ZMIZ2: variants seen among roughly 807,000 people sequenced by gnomAD.
ZMIZ2 encodes the protein zinc finger MIZ domain-containing protein 2.
A neutral mutation model predicts 93.9 loss-of-function variants in ZMIZ2; 26 were observed. That is an observed-to-expected ratio of 0.28 (90% CI 0.20 to 0.38). The LOEUF is 0.38. Among genes scored for constraint, ZMIZ2 ranks in the 10% least tolerant of loss-of-function variants. The pLI is 1.00. For missense variants in ZMIZ2, 1,023 were observed against 1,235.0 expected, an observed-to-expected ratio of 0.83 and a Z score of 2.57; for synonymous variants, 485 against 516.4, an observed-to-expected ratio of 0.94 and a Z score of 0.82.
chr7:44,750,495 C>G (rs1481117286), intron 1 of ZMIZ2, among the ~76,000 whole-genome samples: 1 of 152,144 alleles, frequency 6.6e-6, no homozygotes, highest in Non-Finnish European at 1.5e-5. Context: ...GGATCCTGAC[C>G]CTGCAATCTT....
chr7:44,759,906 G>C (rs1790995990), intron 7 of ZMIZ2: 2 of 560,716 alleles, frequency 3.6e-6, no homozygotes, highest in Non-Finnish European at 6.3e-6. Context: ...GGTGCGCCGG[G>C]TGGTGCAGCT....
chr7:44,751,769 A>G (rs1263516048), intron 1 of ZMIZ2, among the ~76,000 whole-genome samples: 4 of 152,222 alleles, frequency 2.6e-5, no homozygotes, highest in African/African-American at 9.6e-5. Context: ...CAGCCTGGCC[A>G]ACATGGCGAA....
chr7:44,761,563 G>C lies in ZMIZ2; in HGVS notation c.1355G>C (p.Arg452Pro). Reference protein sequence around the residue: ...LAVSNHVFQLRDSVYKTLIMR... With the variant: ...LAVSNHVFQLPDSVYKTLIMR... ...GTAAGCAACCATGTCTTCCAGCTGCGAGACTCAGTCTACAAGACCCTGATA... is the reference window on the plus strand; with the variant it reads ...GTAAGCAACCATGTCTTCCAGCTGCCAGACTCAGTCTACAAGACCCTGATA... Residue 452 changes from arginine (R) to proline (P), a missense_variant, in exon 10 of 19, where the codon CGA (arginine) becomes CCA (proline). Around this residue, in one of 3 missense-constraint regions of ZMIZ2, gnomAD observed 656 missense variants for 777.1 expected, o/e 0.84. Transcript: ENST00000309315. The surrounding 1 kb of genome is among the most constrained non-coding windows in gnomAD (Gnocchi z 5.8). The C allele has an allele frequency of 1.2e-6, 2 of 1,614,068 alleles. No homozygotes were observed. The highest frequency in any genetic ancestry group is 1.7e-6 in the Non-Finnish European group (2 of 1,180,022).
chr7:44,762,398 G>C (rs561269808), intron 11 of ZMIZ2, among the ~76,000 whole-genome samples: 14 of 152,342 alleles, frequency 9.2e-5, no homozygotes, highest in African/African-American at 3.4e-4. Context: ...GCAAGCATCA[G>C]GGTCACCCTT....
rs1171267703 is a variant in ZMIZ2, at chr7:44,761,858, C to G, written c.1549C>G (p.Gln517Glu). 9 of 1,613,904 alleles carry G rather than the reference C, an allele frequency of 5.6e-6. No homozygotes were observed. Among genetic ancestry groups the G allele is most frequent in the Non-Finnish European group, 7.6e-6 (9 of 1,180,048 alleles). ...HKPLYLKHVC[Q>E]PGRNTIQITV... is the part of the protein sequence containing the mutation. ...GCCACTCTACCTGAAGCATGTGTGC[C>G]AGCCAGGCCGCAACACCATCCAGAT... The change falls in exon 11 of 19, where the codon CAG becomes GAG. Residue 517 changes from glutamine to glutamate, a missense_variant. Gln to Glu is a conservative substitution (Grantham distance 29, BLOSUM62 2). Transcript: ENST00000309315. The surrounding 1 kb of genome is among the most constrained non-coding windows in gnomAD (Gnocchi z 5.8).
At position 44,765,620 on chromosome 7, in the gene ZMIZ2, G is replaced by A. The variant is rs530330386; in HGVS notation, c.2242+41G>A. 1.3e-4 allele frequency: 200 copies of A among 1,573,904 alleles called. No homozygotes were observed. The highest frequency in any genetic ancestry group is 2.2e-4 in the Admixed American group (13 of 58,892). On this transcript the variant is annotated intron_variant, in intron 16 of 18. Coordinates refer to ENST00000309315, the MANE Select transcript of ZMIZ2 (RefSeq NM_031449.4). The surrounding 1 kb of genome is among the most constrained non-coding windows in gnomAD (Gnocchi z 4.1). ...TAGCCTTGAACCTCAGATGACCCTG[G>A]GCATATGGCTCCTCTCCCCAGATCA...
upstream of ZMIZ2, chr7:44,748,742 C>T (rs1789842178): frequency 6.7e-6 from 1 of 150,228 alleles, no homozygotes; most frequent in Admixed American, 6.6e-5. Flanking sequence ...GGCTCGCGGC[C>T]GCCCCCGCCC....
rs745707851 is a variant in ZMIZ2, at chr7:44,757,005, G to A, written c.224G>A (p.Gly75Asp). The change falls in exon 4 of 19, where the codon GGT (glycine) becomes GAT (aspartate). Residue 75 changes from glycine to aspartate, a missense_variant. Physicochemically the swap from Gly to Asp is moderately conservative, Grantham distance 94. Around this residue, in one of 3 missense-constraint regions of ZMIZ2, gnomAD observed 656 missense variants for 777.1 expected, o/e 0.84. Coordinates refer to ENST00000309315, the MANE Select transcript of ZMIZ2 (RefSeq NM_031449.4). ...CCCTCTGGCAGCTCCATGATGCCTG[G>A]TGTGGCAGGGGGCAGCTCCGCCTTG... Reference protein sequence around the residue: ...GSPSGSSMMPGVAGGSSALTS... With the variant: ...GSPSGSSMMPDVAGGSSALTS... 1.2e-6 allele frequency: 2 copies of A among 1,612,778 alleles called. No individual in the cohort carries two copies. Among genetic ancestry groups the A allele is most frequent in the South Asian group, 1.1e-5 (1 of 91,014 alleles).
intron 18 of ZMIZ2, 24 bp from the exon 19 acceptor site, chr7:44,767,492 T>C: frequency 6.3e-7 from 1 of 1,596,108 alleles, no homozygotes; most frequent in Non-Finnish European, 8.6e-7. Context: ...CCAAAGCTGC[T>C]AACAGAGTTC....
In ZMIZ2 at chr7:44,758,069, G is replaced by A. The variant is rs757905555; in HGVS notation, c.774G>A (p.Gln258=). Reference sequence around the variant, plus strand: ...GGTATCCTGGGCCTCCCCAGGCCCAGCCACTGCCCCGACAGGGGGTCAAGA... The same window carrying A: ...GGTATCCTGGGCCTCCCCAGGCCCAACCACTGCCCCGACAGGGGGTCAAGA... The part of the protein sequence containing the change: ...QHGYPGPPQA[Q]PLPRQGVKRT... The change falls in exon 6 of 19, where the codon CAG becomes CAA. Residue 258 remains glutamine (Q), a synonymous_variant. Transcript: ENST00000309315. The A allele has an allele frequency of 1.9e-6, 3 of 1,593,678 alleles. No homozygotes were observed. In the Admixed American group the frequency reaches 5.4e-5, roughly 29 times the overall value.
Position 44,757,101 on chromosome 7 carries a change from G to T in ZMIZ2, c.320G>T (p.Gly107Val), listed in dbSNP as rs1461938828. 2.5e-6 allele frequency: 4 copies of T among 1,603,590 alleles called. No individual in the cohort carries two copies. The highest frequency in any genetic ancestry group is 3.4e-6 in the Non-Finnish European group (4 of 1,177,360). Residue 107 changes from glycine to valine, a missense_variant, in exon 4 of 19, where the codon GGC (glycine) becomes GTC (valine). Physicochemically the swap from Gly to Val is moderately radical, Grantham distance 109. Around this residue, in one of 3 missense-constraint regions of ZMIZ2, gnomAD observed 656 missense variants for 777.1 expected, o/e 0.84. Coordinates refer to ENST00000309315, the MANE Select transcript of ZMIZ2 (RefSeq NM_031449.4). ...GGANKGYVQQGVYSRGGYPGA... is the reference protein window; with the variant it reads ...GGANKGYVQQVVYSRGGYPGA... ...GCCAACAAGGGCTACGTGCAGCAAG[G>T]CGTGTACAGCCGCGGGGGCTACCCT...
At chr7:44,754,036 T>C (rs1039940584) in intron 1 of ZMIZ2, among the ~76,000 whole-genome samples, 2 of 152,248 alleles carry the variant, frequency 1.3e-5, no homozygotes, top group African/African-American at 4.8e-5. Context: ...CCCATGGTTC[T>C]GTTCCCATGT....
chr7:44,759,198 C>A, intron 6 of ZMIZ2, 83 bp from the exon 7 acceptor site: 1 of 1,303,662 alleles, frequency 7.7e-7, no homozygotes, highest in Non-Finnish European at 1.0e-6. Flanking sequence ...CCGAACCCTG[C>A]CACACATGAG....
At position 44,765,753 on chromosome 7, in the gene ZMIZ2, C is replaced by A; in HGVS notation, c.2242+174C>A. 9.1e-7 allele frequency: 1 copy of A among 1,101,384 alleles called. No homozygotes were observed. The allele number at this position is 1,101,384 out of a possible 1,614,324, so 68.2% of individuals were successfully genotyped here. ...CCTCCAGCCCCTCCCATCTCAGGGA[C>A]GTGGCGGTGAAGGCACAGTCTCAGC... is the stretch of plus-strand genomic sequence containing the variant. On this transcript the variant is annotated intron_variant, in intron 16 of 18. Transcript: ENST00000309315. The surrounding 1 kb of genome is among the most constrained non-coding windows in gnomAD (Gnocchi z 4.1).
At position 44,763,702 on chromosome 7, in the gene ZMIZ2, C is replaced by T; in HGVS notation, c.1860+289C>T. 1 of 404,674 alleles carries T rather than the reference C, an allele frequency of 2.5e-6. No homozygotes were observed. The highest frequency in any genetic ancestry group is 4.5e-6 in the Non-Finnish European group (1 of 223,378). The allele number at this position is 404,674 out of a possible 1,614,324, so 25.1% of individuals were successfully genotyped here. A position where few individuals can be genotyped will look rare whatever the true frequency, so the allele number is the denominator to read the frequency against. ...TGCAGGGTCCAGTCTTCCTGCCCTACCCCCAAGGGTGACCATCGTTAGCAT... is the reference window on the plus strand; with the variant it reads ...TGCAGGGTCCAGTCTTCCTGCCCTATCCCCAAGGGTGACCATCGTTAGCAT... On this transcript the variant is annotated intron_variant, in intron 13 of 18. Transcript: ENST00000309315. The surrounding 1 kb of genome is among the most constrained non-coding windows in gnomAD (Gnocchi z 5.6).
chr7:44,757,447 A>AGCGGCAGCTGCTGCAGCTGTGGCTGCT lies in ZMIZ2; in HGVS notation c.447_473dup (p.Ala150_Ala158dup), dbSNP rs759253331. ...CAAGACCCTCCACTGACTTCACGCA[A>AGCGGCAGCTGCTGCAGCTGTGGCTGCT]GCGGCAGCTGCTGCAGCTGTGGCTG... On this transcript the variant is annotated inframe_insertion, in exon 5 of 19. Transcript: ENST00000309315. The AGCGGCAGCTGCTGCAGCTGTGGCTGCT allele has an allele frequency of 3.1e-6, 5 of 1,606,904 alleles. No individual in the cohort carries two copies. The highest frequency in any genetic ancestry group is 1.7e-5 in the Admixed American group (1 of 59,988).
In ZMIZ2 at chr7:44,763,486, T is replaced by G; in HGVS notation, c.1860+73T>G. Reference sequence around the variant, plus strand: ...ATCTTGAGTCGATACATCAGTGTCATTCTCTGGACAGACGTGAACTCCGAG... The same window carrying G: ...ATCTTGAGTCGATACATCAGTGTCAGTCTCTGGACAGACGTGAACTCCGAG... On this transcript the variant is annotated intron_variant, in intron 13 of 18. Transcript: ENST00000309315. This position sits in a 1 kb window ranked among gnomAD's most constrained non-coding sequence, Gnocchi z 5.6. 3 of 1,573,544 alleles carry G rather than the reference T, an allele frequency of 1.9e-6. No homozygotes were observed. The South Asian group carries it at 3.5e-5, about 18-fold the overall frequency.
chr7:44,756,155 C>A (rs770904014), intron 1 of ZMIZ2, 33 bp from the exon 2 acceptor site: 51 of 1,569,676 alleles, frequency 3.2e-5, no homozygotes, highest in Non-Finnish European at 4.4e-5. Context: ...CTGGCTGCAT[C>A]GCAGCTAACA....
chr7:44,766,123 CT>C lies in ZMIZ2; in HGVS notation c.2243-39del. 6.5e-7 allele frequency: 1 copy of C among 1,545,402 alleles called. No individual in the cohort carries two copies. Among genetic ancestry groups the C allele is most frequent in the Non-Finnish European group, 8.7e-7 (1 of 1,150,978 alleles). ...TCCTGGCTCCTCTGCCAGCGGTGGC[CT>C]TCCCCAGCCCTCACCCAGGCCCCGA... On this transcript the variant is annotated intron_variant, in intron 16 of 18. Coordinates refer to ENST00000309315, the MANE Select transcript of ZMIZ2 (RefSeq NM_031449.4). The surrounding 1 kb of genome is among the most constrained non-coding windows in gnomAD (Gnocchi z 4.4).
Sources: allele counts gnomAD v4.1 joint callset (sites outside exome capture counted in the v4.1 genomes callset), GRCh38; gene constraint gnomAD v4.1.1; regional missense constraint gnomAD v4.1.1; non-coding constraint Gnocchi (gnomAD v3.1); transcripts MANE v1.5; gene names NCBI Gene and HGNC (gene_info 2026-07-23, HGNC 2026-07-21).